The following ARFIP1 variants were observed in gnomAD, a reference collection of about 807,000 sequenced individuals.
ARFIP1 encodes arfaptin-1.
Under a neutral mutation model 42.5 loss-of-function variants are expected in ARFIP1, and 24 were observed. That is an observed-to-expected ratio of 0.57 (90% confidence interval 0.41 to 0.80). The LOEUF (loss-of-function observed/expected upper bound fraction) is 0.80, where lower values mean the gene tolerates loss of function less well. Ranked by LOEUF, ARFIP1 falls within the 30% of genes least tolerant of loss-of-function variation. The pLI, the probability that ARFIP1 is intolerant of heterozygous loss-of-function variation, is 0.00. For missense variants in ARFIP1, 354 were observed against 434.0 expected (o/e 0.82, Z 1.64); for synonymous variants, 141 against 153.7 (o/e 0.92, Z 0.61).
chr4:152,797,985 C>T (rs753266201), intron 1 of ARFIP1, among the ~76,000 whole-genome samples: 34 of 152,100 alleles, frequency 2.2e-4, no homozygotes, highest in Non-Finnish European at 4.6e-4. Flanking sequence ...TGGCCGGGCG[C>T]GGTGGCTCAT....
intron 8 of ARFIP1, among the ~76,000 whole-genome samples, chr4:152,908,700 G>A (rs1738577348): frequency 6.6e-6 from 1 of 152,026 alleles, no homozygotes; most frequent in South Asian, 2.1e-4. Context: ...CCTTACTTAA[G>A]AAATTCTTTC....
chr4:152,801,780 A>G (rs1244639689), intron 1 of ARFIP1, among the ~76,000 whole-genome samples: 1 of 152,206 alleles, frequency 6.6e-6, no homozygotes. Flanking sequence ...AACTACTTCA[A>G]CATTTGTTCT....
Position 152,812,761 on chromosome 4 carries a change from G to A in ARFIP1, c.-9-16864G>A, listed in dbSNP as rs565620328. ...CTTTCCTTATTTTGGTGAGTGACAT[G>A]TTTATCTTTCTAGTTGCCCAAGCCA... On this transcript the variant is annotated intron_variant, in intron 1 of 8. Coordinates refer to ENST00000353617, the MANE Select transcript of ARFIP1 (RefSeq NM_001025595.3). Among the ~76,000 whole-genome samples, 4 of 152,264 alleles carry A rather than the reference G, an allele frequency of 2.6e-5. No individual in the cohort carries two copies. The South Asian group carries it at 8.3e-4, about 32-fold the overall frequency.
intron 2 of ARFIP1, among the ~76,000 whole-genome samples, chr4:152,831,672 G>A (rs1282115162): frequency 6.6e-6 from 1 of 152,154 alleles, no homozygotes; most frequent in African/African-American, 2.4e-5. Flanking sequence ...ATACCTATCA[G>A]TGGAATCATA....
At chr4:152,806,341 G>A (rs1728992778) in intron 1 of ARFIP1, among the ~76,000 whole-genome samples, 3 of 152,172 alleles carry the variant, frequency 2.0e-5, no homozygotes, top group Admixed American at 2.0e-4. Flanking sequence ...CTGCTGGGTT[G>A]TGGAGCTGAT....
chr4:152,853,905 C>CTTTTTT (rs36055484), intron 2 of ARFIP1, among the ~76,000 whole-genome samples: 55 of 74,764 alleles, frequency 7.4e-4, no homozygotes, highest in African/African-American at 8.8e-4. Flanking sequence ...TTCTGAGATT[C>CTTTTTT]TTTTTTTTTT....
intron 3 of ARFIP1, among the ~76,000 whole-genome samples, chr4:152,865,963 C>T (rs1406428445): frequency 6.6e-6 from 1 of 151,958 alleles, no homozygotes; most frequent in Non-Finnish European, 1.5e-5. Context: ...GGAAGGTCAG[C>T]AGATAAACAA....
At chr4:152,906,758 C>G (rs1738390532) in intron 8 of ARFIP1, among the ~76,000 whole-genome samples, 1 of 152,196 alleles carries the variant, frequency 6.6e-6, no homozygotes, top group South Asian at 2.1e-4. Context: ...CATCTAGCAA[C>G]CCATTACCTG....
chr4:152,849,004 G>A (rs748483993), intron 2 of ARFIP1, among the ~76,000 whole-genome samples: 8 of 152,112 alleles, frequency 5.3e-5, no homozygotes, highest in Non-Finnish European at 1.0e-4. Context: ...CCTTTTAGAG[G>A]TATGGCAAAT....
chr4:152,886,601 C>T (rs957422410), intron 7 of ARFIP1, among the ~76,000 whole-genome samples: 1 of 151,954 alleles, frequency 6.6e-6, no homozygotes, highest in African/African-American at 2.4e-5. Flanking sequence ...GTCTGAGATA[C>T]CTTTTCAGAT....
chr4:152,820,877 T>C (rs2149839221), intron 1 of ARFIP1, among the ~76,000 whole-genome samples: 1 of 152,278 alleles, frequency 6.6e-6, no homozygotes, highest in East Asian at 1.9e-4. Flanking sequence ...AAGGAACTCA[T>C]ACAGAGTCTT....
At chr4:152,904,800 G>A (rs1738167937) in intron 8 of ARFIP1, among the ~76,000 whole-genome samples, 1 of 152,088 alleles carries the variant, frequency 6.6e-6, no homozygotes, top group Non-Finnish European at 1.5e-5. Flanking sequence ...ATCATTGATG[G>A]GCATTTGGGT....
chr4:152,802,725 T>C (rs1268678212), intron 1 of ARFIP1, among the ~76,000 whole-genome samples: 2 of 152,190 alleles, frequency 1.3e-5, no homozygotes, highest in African/African-American at 2.4e-5. Flanking sequence ...TTTCTAAGCA[T>C]TTTAGAAATT....
chr4:152,785,550 G>A (rs1046055132), intron 1 of ARFIP1, among the ~76,000 whole-genome samples: 2 of 152,160 alleles, frequency 1.3e-5, no homozygotes, highest in Non-Finnish European at 2.9e-5. Flanking sequence ...CGATCTTCCC[G>A]CCTTGGCCTC....
chr4:152,808,316 T>TTTC (rs1554022728), intron 1 of ARFIP1, among the ~76,000 whole-genome samples: 2 of 130,870 alleles, frequency 1.5e-5, no homozygotes, highest in Non-Finnish European at 3.3e-5. Context: ...TTTTTTTTTT[T>TTTC]TGTAGCAGTA....
At position 152,910,203 on chromosome 4, in the gene ARFIP1, G is replaced by T. The variant is rs746982072; in HGVS notation, c.1106G>T (p.Trp369Leu). Reference sequence around the variant, plus strand: ...ACCCCTGGAGTGGATGCCCCATCTTGGCTTGAAGAACAGTAAAATCACAGC... The same window carrying T: ...ACCCCTGGAGTGGATGCCCCATCTTTGCTTGAAGAACAGTAAAATCACAGC... ...LKTPGVDAPS[W>L]LEEQ is the part of the protein sequence containing the mutation. Residue 369 changes from tryptophan (W) to leucine (L), a missense_variant, in exon 9 of 9, where the codon TGG (tryptophan) becomes TTG (leucine). Trp to Leu is a moderately conservative substitution (Grantham distance 61). Transcript: ENST00000353617. 13 of 1,612,292 alleles carry T rather than the reference G, an allele frequency of 8.1e-6. No homozygotes were observed. The highest frequency in any genetic ancestry group is 2.7e-5 in the African/African-American group (2 of 74,780).
intron 2 of ARFIP1, among the ~76,000 whole-genome samples, chr4:152,839,269 TG>T (rs1731879429): frequency 6.6e-6 from 1 of 152,150 alleles, no homozygotes; most frequent in Admixed American, 6.5e-5. Context: ...TTCCTGGTTT[TG>T]GTATTAGGGT....
chr4:152,872,293 C>A (rs1410651424), intron 4 of ARFIP1, among the ~76,000 whole-genome samples, 159 bp from the exon 5 acceptor site: 3 of 152,006 alleles, frequency 2.0e-5, no homozygotes, highest in African/African-American at 7.2e-5. Flanking sequence ...AGGAAACTAT[C>A]CTCAGCGATT....
intron 5 of ARFIP1, among the ~76,000 whole-genome samples, chr4:152,873,759 G>A (rs1023609006): frequency 6.6e-6 from 1 of 152,000 alleles, no homozygotes; most frequent in Non-Finnish European, 1.5e-5. Flanking sequence ...TAACCAATTC[G>A]CTAAGACTAC....
Sources: gnomAD v4.1 joint callset for allele counts (sites outside exome capture counted in the v4.1 genomes callset) on GRCh38, gnomAD v4.1.1 for gene constraint, MANE v1.5 for transcripts, NCBI Gene and HGNC (gene_info 2026-07-23, HGNC 2026-07-21) for gene names.